Variants in RGS14 observed in about 807,000 individuals in gnomAD.
RGS14 encodes regulator of G protein signaling 14.
Under a neutral mutation model 63.8 loss-of-function variants are expected in RGS14, and 33 were observed. That is an observed-to-expected ratio of 0.52 (90% confidence interval 0.39 to 0.69). The LOEUF (loss-of-function observed/expected upper bound fraction) is 0.69, where lower values mean the gene tolerates loss of function less well. RGS14 is among the 30% of genes least tolerant of loss of function. The pLI is 0.00. For missense variants in RGS14, 739 were observed against 742.9 expected (o/e 0.99, Z 0.06); for synonymous variants, 296 against 320.9 (o/e 0.92, Z 0.83).
Position 177,371,213 on chromosome 5 carries a change from G to C in RGS14, c.1303G>C (p.Ala435Pro). Residue 435 changes from alanine (A) to proline (P), a missense_variant, in exon 12 of 15, where the codon GCG becomes CCG. Transcript: ENST00000408923. This position sits in a 1 kb window ranked among gnomAD's most constrained non-coding sequence, Gnocchi z 6.1. ...TCTGGGGAAGCTAGTGAGCTCGGTG[G>C]CGGCCCAGAGACTGGTTTTGGACAC... ...LDLGKLVSSVAAQRLVLDTLP... is the reference protein window; with the variant it reads ...LDLGKLVSSVPAQRLVLDTLP... 6.2e-7 allele frequency: 1 copy of C among 1,613,914 alleles called. No individual in the cohort carries two copies. The highest frequency in any genetic ancestry group is 1.3e-5 in the African/African-American group (1 of 75,018).
At position 177,372,115 on chromosome 5, in the gene RGS14, C is replaced by A. The variant is rs776562404; in HGVS notation, c.*40C>A. The A allele has an allele frequency of 6.3e-6, 10 of 1,576,650 alleles. No individual in the cohort carries two copies. The highest frequency in any genetic ancestry group is 8.7e-6 in the Non-Finnish European group (10 of 1,151,338). On this transcript the variant is annotated 3_prime_UTR_variant, in exon 15 of 15. Transcript: ENST00000408923. ...TCCAGGACAGCTGCATGGCACCCGGCGGGCCGAGCATGCCATGGGTCCGCT... is the reference window on the plus strand; with the variant it reads ...TCCAGGACAGCTGCATGGCACCCGGAGGGCCGAGCATGCCATGGGTCCGCT...
At position 177,370,575 on chromosome 5, in the gene RGS14, C is replaced by G; in HGVS notation, c.1054-16C>G. 6.2e-7 allele frequency: 1 copy of G among 1,613,250 alleles called. No individual in the cohort carries two copies. The highest frequency in any genetic ancestry group is 1.1e-5 in the South Asian group (1 of 91,080). On this transcript the variant is annotated splice_polypyrimidine_tract_variant and intron_variant, in intron 9 of 14. Transcript: ENST00000408923. ...TGGGGGAGGGACTCTTAGACCCTGC[C>G]TGGCATCCACAGAAGGCCCTGGTCC... is the stretch of plus-strand genomic sequence containing the variant.
chr5:177,366,381 G>A (rs2127331135), intron 3 of RGS14, 26 bp downstream of exon 3: 4 of 1,517,314 alleles, frequency 2.6e-6, no homozygotes, highest in Middle Eastern at 2.4e-4. Context: ...GGAAAGGGAA[G>A]GGGGGACACG....
At chr5:177,363,307 A>G (rs776365236) in intron 1 of RGS14, among the ~76,000 whole-genome samples, 80 of 140,892 alleles carry the variant, frequency 5.7e-4, no homozygotes, top group Non-Finnish European at 9.6e-4. Context: ...GAGCAGGGCC[A>G]GGAGGGGCGG....
At position 177,359,758 on chromosome 5, in the gene RGS14, G is replaced by A. The variant is rs539422765; in HGVS notation, c.45+1689G>A. On this transcript the variant is annotated intron_variant, in intron 1 of 14. Coordinates refer to ENST00000408923, the MANE Select transcript of RGS14 (RefSeq NM_006480.5). The surrounding 1 kb of genome is among the most constrained non-coding windows in gnomAD (Gnocchi z 4.4). ...CCTGCTGGTCACTGAGTAGCTTCCC[G>A]TGGCCCTGCACAGCTAGGGCAGGGA... 2.6e-5 allele frequency among the ~76,000 whole-genome samples: 4 copies of A among 152,350 alleles called. No homozygotes were observed. Among genetic ancestry groups the A allele is most frequent in the South Asian group, 4.1e-4 (2 of 4,832 alleles).
chr5:177,371,225 C>G lies in RGS14; in HGVS notation c.1315C>G (p.Leu439Val). The G allele has an allele frequency of 6.2e-7, 1 of 1,613,804 alleles. No homozygotes were observed. The highest frequency in any genetic ancestry group is 8.5e-7 in the Non-Finnish European group (1 of 1,179,910). ...AGTGAGCTCGGTGGCGGCCCAGAGA[C>G]TGGTTTTGGACACTCTTCCAGGTAG... ...KLVSSVAAQRLVLDTLPGVKI... is the reference protein window; with the variant it reads ...KLVSSVAAQRVVLDTLPGVKI... The change falls in exon 12 of 15, where the codon CTG (leucine) becomes GTG (valine). Residue 439 changes from leucine (L) to valine (V), a missense_variant. Physicochemically the swap from Leu to Val is conservative, Grantham distance 32. Coordinates refer to ENST00000408923, the MANE Select transcript of RGS14 (RefSeq NM_006480.5). The surrounding 1 kb of genome is among the most constrained non-coding windows in gnomAD (Gnocchi z 6.1).
In RGS14 at chr5:177,367,763, T is replaced by G; in HGVS notation, c.677T>G (p.Leu226Trp). Residue 226 changes from leucine (L) to tryptophan (W), a missense_variant, in exon 7 of 15, where the codon TTG becomes TGG. Transcript: ENST00000408923. ...TCGCTGCCGCTGGGTGTGGAGGAGTTGGGGCAGCTGCCACCCGTTGAGGGT... is the reference window on the plus strand; with the variant it reads ...TCGCTGCCGCTGGGTGTGGAGGAGTGGGGGCAGCTGCCACCCGTTGAGGGT... ...GKSLPLGVEE[L>W]GQLPPVEGPG... 1 of 1,613,020 alleles carries G rather than the reference T, an allele frequency of 6.2e-7. No individual in the cohort carries two copies. Among genetic ancestry groups the G allele is most frequent in the African/African-American group, 1.3e-5 (1 of 75,052 alleles).
rs1761861117 is a variant in RGS14, at chr5:177,358,004, G to A, written c.-21G>A. ...CCATGGTGGGCAGCCCCCGCGGCGG[G>A]GACCCCTGATCGGCAGCGGCATGCC... On this transcript the variant is annotated 5_prime_UTR_variant, in exon 1 of 15. Coordinates refer to ENST00000408923, the MANE Select transcript of RGS14 (RefSeq NM_006480.5). This position sits in a 1 kb window ranked among gnomAD's most constrained non-coding sequence, Gnocchi z 4.8. The A allele has an allele frequency of 3.7e-6, 5 of 1,349,202 alleles. No homozygotes were observed. The highest frequency in any genetic ancestry group is 3.8e-6 in the Non-Finnish European group (4 of 1,041,490). The allele number at this position is 1,349,202 out of a possible 1,614,324, so 83.6% of individuals were successfully genotyped here.
Position 177,364,984 on chromosome 5 carries a change from A to C in RGS14, c.46-979A>C, listed in dbSNP as rs1189216625. On this transcript the variant is annotated intron_variant, in intron 1 of 14. Transcript: ENST00000408923. This position sits in a 1 kb window ranked among gnomAD's most constrained non-coding sequence, Gnocchi z 4.6. Reference sequence around the variant, plus strand: ...CAGAGGTGGGGTCCTCCCACTCTGCACTGAAGTTTGAGAACCACTGCTCTG... The same window carrying C: ...CAGAGGTGGGGTCCTCCCACTCTGCCCTGAAGTTTGAGAACCACTGCTCTG... Among the ~76,000 whole-genome samples the C allele has an allele frequency of 6.6e-6, 1 of 152,106 alleles. No homozygotes were observed. The highest frequency in any genetic ancestry group is 1.5e-5 in the Non-Finnish European group (1 of 68,014).
chr5:177,371,853 A>T lies in RGS14; in HGVS notation c.1499-20A>T, dbSNP rs1762280067. 6.2e-7 allele frequency: 1 copy of T among 1,607,328 alleles called. No individual in the cohort carries two copies. Among genetic ancestry groups the T allele is most frequent in the Non-Finnish European group, 8.5e-7 (1 of 1,176,688 alleles). On this transcript the variant is annotated intron_variant, in intron 14 of 14. Coordinates refer to ENST00000408923, the MANE Select transcript of RGS14 (RefSeq NM_006480.5). The surrounding 1 kb of genome is among the most constrained non-coding windows in gnomAD (Gnocchi z 6.1). Reference sequence around the variant, plus strand: ...AGGCAGGTCTGCTGGGGGGACCCTCATGCTGTGGCTTGCCTCCAGGCCTGG... The same window carrying T: ...AGGCAGGTCTGCTGGGGGGACCCTCTTGCTGTGGCTTGCCTCCAGGCCTGG...
chr5:177,368,402 G>A, intron 8 of RGS14, 136 bp downstream of exon 8: 2 of 928,378 alleles, frequency 2.2e-6, no homozygotes, highest in Non-Finnish European at 3.2e-6. Flanking sequence ...CAACCCTTCA[G>A]CCTCCTTACT....
chr5:177,368,788 C>T lies in RGS14; in HGVS notation c.921C>T (p.Tyr307=). ...ESRPGKYCCV[Y]LPDGTASLAL... is the part of the protein sequence containing the mutation. The stretch of plus-strand genomic sequence containing the variant: ...GGCCAGGGAAGTACTGCTGTGTGTA[C>T]CTGCCCGATGGCACAGCCTCCTTGG... The change falls in exon 9 of 15, where the codon TAC becomes TAT. Residue 307 remains tyrosine, a synonymous_variant. Transcript: ENST00000408923. 6.2e-7 allele frequency: 1 copy of T among 1,614,236 alleles called. No homozygotes were observed. The highest frequency in any genetic ancestry group is 8.5e-7 in the Non-Finnish European group (1 of 1,180,028).
chr5:177,359,335 A>G lies in RGS14; in HGVS notation c.45+1266A>G, dbSNP rs1447773496. 2.0e-5 allele frequency among the ~76,000 whole-genome samples: 3 copies of G among 152,118 alleles called. No individual in the cohort carries two copies. The highest frequency in any genetic ancestry group is 7.2e-5 in the African/African-American group (3 of 41,428). On this transcript the variant is annotated intron_variant, in intron 1 of 14. Coordinates refer to ENST00000408923, the MANE Select transcript of RGS14 (RefSeq NM_006480.5). The surrounding 1 kb of genome is among the most constrained non-coding windows in gnomAD (Gnocchi z 4.4). ...GACCCCACAACGAAAGTGCAAAAAG[A>G]AAACCCACCTCCCTTGCATTCCCAT...
At chr5:177,366,572 C>T in intron 3 of RGS14, 136 bp from the exon 4 acceptor site, 1 of 887,634 alleles carries the variant, frequency 1.1e-6, no homozygotes, top group Non-Finnish European at 1.8e-6. Flanking sequence ...CGGTCTGGCT[C>T]CGTCTGTCTG....
At position 177,358,150 on chromosome 5, in the gene RGS14, G is replaced by A; in HGVS notation, c.45+81G>A. ...GAGCCCAGGAGGCACACCCGGCAGG[G>A]CCAGGCAAGAGCCCACGGGCTGCCA... On this transcript the variant is annotated intron_variant, in intron 1 of 14. Transcript: ENST00000408923. The surrounding 1 kb of genome is among the most constrained non-coding windows in gnomAD (Gnocchi z 4.8). 3 of 1,185,846 alleles carry A rather than the reference G, an allele frequency of 2.5e-6. No individual in the cohort carries two copies. Among genetic ancestry groups the A allele is most frequent in the South Asian group, 5.7e-5 (2 of 34,804 alleles). The allele number at this position is 1,185,846 out of a possible 1,614,324, so 73.5% of individuals were successfully genotyped here. A position where few individuals can be genotyped will look rare whatever the true frequency, so the allele number is the denominator to read the frequency against.
intron 2 of RGS14, 74 bp downstream of exon 2, chr5:177,366,058 T>G: frequency 6.3e-7 from 1 of 1,592,316 alleles, no homozygotes; most frequent in Non-Finnish European, 8.6e-7. Flanking sequence ...GGGACACCCC[T>G]GCCACCTGCT....
At chr5:177,367,887 G>T in intron 7 of RGS14, 62 bp downstream of exon 7, 2 of 1,481,396 alleles carry the variant, frequency 1.4e-6, no homozygotes, top group Non-Finnish European at 8.9e-7. Flanking sequence ...AATTTGGGGA[G>T]TGCCCCCTTC....
chr5:177,362,674 A>T (rs1761993729), intron 1 of RGS14, among the ~76,000 whole-genome samples: 1 of 151,388 alleles, frequency 6.6e-6, no homozygotes, highest in African/African-American at 2.4e-5. Context: ...GGTGGAGGTG[A>T]GGGGGAGGAA....
chr5:177,358,390 C>G lies in RGS14; in HGVS notation c.45+321C>G, dbSNP rs1761873714. Among the ~76,000 whole-genome samples, 1 of 152,184 alleles carries G rather than the reference C, an allele frequency of 6.6e-6. No individual in the cohort carries two copies. The highest frequency in any genetic ancestry group is 2.4e-5 in the African/African-American group (1 of 41,450). On this transcript the variant is annotated intron_variant, in intron 1 of 14. Coordinates refer to ENST00000408923, the MANE Select transcript of RGS14 (RefSeq NM_006480.5). The surrounding 1 kb of genome is among the most constrained non-coding windows in gnomAD (Gnocchi z 4.8). ...TCAGGGACACTCGATGTGCTCCTTG[C>G]CCCCTGCCCATCCCCACAGTGGCTC...
Sources: allele counts gnomAD v4.1 joint callset (sites outside exome capture counted in the v4.1 genomes callset), GRCh38; gene constraint gnomAD v4.1.1; non-coding constraint Gnocchi (gnomAD v3.1); transcripts MANE v1.5; gene names NCBI Gene and HGNC (gene_info 2026-07-23, HGNC 2026-07-21).